ANK2: variants seen among roughly 807,000 people sequenced by gnomAD.
The protein encoded by ANK2 is ankyrin-2.
A neutral mutation model predicts 360.5 loss-of-function variants in ANK2; 83 were observed. That is an observed-to-expected ratio of 0.23 (90% CI 0.19 to 0.28). The LOEUF is 0.28. Among genes scored for constraint, ANK2 ranks in the 10% least tolerant of loss-of-function variants. The probability of loss-of-function intolerance (pLI) is 1.00; values close to 1 mark genes in which losing one functional copy is unlikely to be tolerated. For synonymous variants in ANK2, 1,740 were observed against 1,759.5 expected, an observed-to-expected ratio of 0.99 and a Z score of 0.28; for missense variants, 4,201 against 4,795.7, an observed-to-expected ratio of 0.88 and a Z score of 3.66.
rs796084277 is a variant in ANK2, at chr4:113,185,857, T to C, written c.187-10511T>C. Among the ~76,000 whole-genome samples, 17 of 152,340 alleles carry C rather than the reference T, an allele frequency of 1.1e-4. 1 individual carries two copies. The highest frequency in any genetic ancestry group is 4.1e-4 in the African/African-American group (17 of 41,576). On this transcript the variant is annotated intron_variant, in intron 2 of 45. Transcript: ENST00000357077. ...TATGGTTTTAGGTCTTACATTTAAA[T>C]TTTTAATCCATCTTGAGTTGATTTT...
In ANK2 at chr4:113,175,631, A is replaced by G. The variant is rs112699213; in HGVS notation, c.186+1114A>G. ...TTGTCCACTTTGATCAATTCTCCAC[A>G]TAATGCCTTGAGCGATAAATAAAAT... On this transcript the variant is annotated intron_variant, in intron 2 of 45. Transcript: ENST00000357077. Among the ~76,000 whole-genome samples the G allele has an allele frequency of 1.8e-3, 281 of 152,354 alleles. 1 individual carries two copies. Among genetic ancestry groups the G allele is most frequent in the Non-Finnish European group, 3.1e-3 (211 of 68,030 alleles).
At chr4:112,981,569 G>A (rs1337621631) in intron 2 of ANK2, among the ~76,000 whole-genome samples, 1 of 152,186 alleles carries the variant, frequency 6.6e-6, no homozygotes, top group African/African-American at 2.4e-5. Flanking sequence ...CAGGTTGAGA[G>A]GACGAGTAGG....
At chr4:112,878,929 T>G (rs2150390124) in intron 1 of ANK2, among the ~76,000 whole-genome samples, 1 of 152,288 alleles carries the variant, frequency 6.6e-6, no homozygotes, top group South Asian at 2.1e-4. Flanking sequence ...GGCCCCTGAT[T>G]CTTATTTTTA....
At chr4:112,826,572 C>G (rs1303806865) in intron 1 of ANK2, 1 of 1,432,192 alleles carries the variant, frequency 7.0e-7, no homozygotes. Flanking sequence ...CCTTTCACAA[C>G]CAGCTGGGAT....
intron 2 of ANK2, among the ~76,000 whole-genome samples, chr4:112,997,224 A>G (rs546036144): frequency 6.6e-6 from 1 of 152,284 alleles, no homozygotes; most frequent in Non-Finnish European, 1.5e-5. Context: ...TAACACATGT[A>G]TTGCTTCATG....
At chr4:112,836,628 G>A (rs1176697366) in intron 1 of ANK2, among the ~76,000 whole-genome samples, 1 of 152,220 alleles carries the variant, frequency 6.6e-6, no homozygotes, top group Non-Finnish European at 1.5e-5. Context: ...ATATGGAGAT[G>A]AGGAACTTAT....
intron 4 of ANK2, among the ~76,000 whole-genome samples, chr4:113,228,548 G>A (rs1164222910): frequency 6.6e-6 from 1 of 152,076 alleles, no homozygotes; most frequent in Non-Finnish European, 1.5e-5. Context: ...TTAGTACATG[G>A]TATATATACG....
At chr4:112,721,248 T>C in the ANK2 span, among the ~76,000 whole-genome samples, 2 of 152,096 alleles carry the variant, frequency 1.3e-5, no homozygotes, top group Non-Finnish European at 2.9e-5. Context: ...ATTAAAAGTT[T>C]GGCTGCCCTA....
chr4:112,899,371 T>A (rs1346815154), intron 1 of ANK2, among the ~76,000 whole-genome samples: 1 of 152,206 alleles, frequency 6.6e-6, no homozygotes, highest in Non-Finnish European at 1.5e-5. Context: ...AAACTATTTA[T>A]AATTTTCTCA....
chr4:112,991,615 C>CTTTTTTT (rs1363502696), intron 2 of ANK2, among the ~76,000 whole-genome samples: 34 of 80,654 alleles, frequency 4.2e-4, no homozygotes, highest in Non-Finnish European at 6.4e-4. Flanking sequence ...TCTTTTCTTT[C>CTTTTTTT]TTTCTTTTTT....
At chr4:113,254,837 C>G (rs556883682) in intron 10 of ANK2, among the ~76,000 whole-genome samples, 22 of 152,248 alleles carry the variant, frequency 1.4e-4, no homozygotes, top group African/African-American at 5.1e-4. Context: ...ACTTGGCGAA[C>G]AATCCTTTTT....
intron 2 of ANK2, among the ~76,000 whole-genome samples, chr4:112,929,758 T>C (rs1476270554): frequency 2.0e-5 from 3 of 152,212 alleles, no homozygotes; most frequent in Non-Finnish European, 4.4e-5. Context: ...TCTCACAATC[T>C]GCACTGAAGA....
At chr4:112,853,113 G>A (rs542169191) in intron 1 of ANK2, among the ~76,000 whole-genome samples, 1 of 152,088 alleles carries the variant, frequency 6.6e-6, no homozygotes, top group South Asian at 2.1e-4. Flanking sequence ...TCTCTCGCCA[G>A]GCTAGAGTGC....
chr4:113,203,280 T>C (rs1285162305), intron 4 of ANK2, among the ~76,000 whole-genome samples: 1 of 152,214 alleles, frequency 6.6e-6, no homozygotes, highest in African/African-American at 2.4e-5. Flanking sequence ...GACATTACTT[T>C]TAAAAAAATG....
At chr4:113,029,952 A>T (rs888626962) in intron 2 of ANK2, among the ~76,000 whole-genome samples, 1 of 152,140 alleles carries the variant, frequency 6.6e-6, no homozygotes, top group African/African-American at 2.4e-5. Context: ...TGACATTGGA[A>T]TGTATAATCT....
the ANK2 span, among the ~76,000 whole-genome samples, chr4:112,751,466 G>T: frequency 2.0e-5 from 3 of 152,286 alleles, no homozygotes; most frequent in Admixed American, 1.3e-4. Context: ...TGCCCGTTTG[G>T]TGATTCTAGA....
chr4:113,369,807 T>G lies in ANK2; in HGVS notation c.11610+2T>G. ...GATGAAGATGCAGCTTTTGAAAAGG[T>G]AAGACATTCCTCTCCACTTTCTCGC... On this transcript the variant is annotated splice_donor_variant, in intron 43 of 45. Coordinates refer to ENST00000357077, the MANE Select transcript of ANK2 (RefSeq NM_001148.6). LOFTEE classifies it high-confidence loss of function. 1 of 1,614,032 alleles carries G rather than the reference T, an allele frequency of 6.2e-7. No individual in the cohort carries two copies. Among genetic ancestry groups the G allele is most frequent in the Non-Finnish European group, 8.5e-7 (1 of 1,180,000 alleles).
chr4:113,053,300 A>C lies in ANK2; in HGVS notation c.84+3488A>C, dbSNP rs374560993. ...ACTTGTTTATTATTGGATACTCTTT[A>C]GTACCCAAAGAAAATAAATTGTAGG... On this transcript the variant is annotated intron_variant, in intron 1 of 45. Transcript: ENST00000357077. Among the ~76,000 whole-genome samples the C allele has an allele frequency of 2.7e-4, 41 of 152,328 alleles. 1 individual carries two copies. In the South Asian group the frequency reaches 3.7e-3, roughly 14 times the overall value.
intron 1 of ANK2, among the ~76,000 whole-genome samples, chr4:112,844,328 T>C (rs1200686456): frequency 6.6e-6 from 1 of 152,232 alleles, no homozygotes; most frequent in Admixed American, 6.5e-5. Context: ...TCTTTGCACC[T>C]TCCTTGTCCC....
Sources: allele counts gnomAD v4.1 joint callset (sites outside exome capture counted in the v4.1 genomes callset), GRCh38; gene constraint gnomAD v4.1.1; transcripts MANE v1.5; gene names NCBI Gene and HGNC (gene_info 2026-07-23, HGNC 2026-07-21).